The following STRBP variants were observed in gnomAD, a reference collection of about 807,000 sequenced individuals.
STRBP encodes spermatid perinuclear RNA-binding protein.
In STRBP, 13 loss-of-function variants were observed where a neutral mutation model predicts 80.1. The observed-to-expected ratio is 0.16, with a 90% CI of 0.11 to 0.26. The LOEUF is 0.26. Among genes scored for constraint, STRBP ranks in the 10% least tolerant of loss-of-function variants. STRBP has a pLI of 1.00. For missense variants in STRBP, 485 were observed against 815.2 expected, an observed-to-expected ratio of 0.59 and a Z score of 4.93; for synonymous variants, 284 against 291.2, an observed-to-expected ratio of 0.98 and a Z score of 0.25.
chr9:123,151,924 A>G (rs1013642336), intron 11 of STRBP, among the ~76,000 whole-genome samples: 1 of 152,060 alleles, frequency 6.6e-6, no homozygotes, highest in African/African-American at 2.4e-5. Flanking sequence ...AAAAATAATA[A>G]TCCCCTAGGT....
intron 1 of STRBP, among the ~76,000 whole-genome samples, chr9:123,265,367 AG>A (rs2041245392): frequency 6.6e-6 from 1 of 152,234 alleles, no homozygotes; most frequent in Non-Finnish European, 1.5e-5. Context: ...TAATCAACCC[AG>A]AAAGCTCCCA....
chr9:123,147,465 CA>C (rs1023001595), intron 12 of STRBP, among the ~76,000 whole-genome samples: 32 of 152,032 alleles, frequency 2.1e-4, no homozygotes, highest in African/African-American at 7.2e-4. Context: ...TGCTTGAACT[CA>C]GGAGTTCAAG....
intron 1 of STRBP, among the ~76,000 whole-genome samples, chr9:123,257,651 A>G (rs559231401): frequency 5.3e-5 from 8 of 152,240 alleles, no homozygotes; most frequent in Non-Finnish European, 8.8e-5. Context: ...TTGTCTCTAC[A>G]AAATAATTTG....
At chr9:123,222,918 G>A (rs553933427) in intron 2 of STRBP, among the ~76,000 whole-genome samples, 1 of 151,774 alleles carries the variant, frequency 6.6e-6, no homozygotes, top group Admixed American at 6.6e-5. Flanking sequence ...CATCAGAACT[G>A]GAAGCAAAAA....
intron 3 of STRBP, among the ~76,000 whole-genome samples, chr9:123,180,098 T>TAAAAA (rs1387115951): frequency 6.6e-6 from 1 of 151,696 alleles, no homozygotes; most frequent in Non-Finnish European, 1.5e-5. Flanking sequence ...CTCCAAAACA[T>TAAAAA]AAAAAAAATT....
chr9:123,139,160 C>G (rs1487723822), intron 14 of STRBP, among the ~76,000 whole-genome samples: 1 of 152,188 alleles, frequency 6.6e-6, no homozygotes, highest in Non-Finnish European at 1.5e-5. Flanking sequence ...TCCTCTACAT[C>G]TTGTAGTTTT....
chr9:123,201,621 G>C (rs1211263608), intron 2 of STRBP, among the ~76,000 whole-genome samples: 1 of 152,122 alleles, frequency 6.6e-6, no homozygotes. Flanking sequence ...AGGGATACTG[G>C]ATATAATTTC....
chr9:123,116,479 G>A (rs2035647184), intron 2 of STRBP, among the ~76,000 whole-genome samples: 1 of 152,114 alleles, frequency 6.6e-6, no homozygotes, highest in Admixed American at 6.6e-5. Flanking sequence ...AAAAAAACAG[G>A]CTGCCTGGCC....
chr9:123,120,241 G>A (rs774736284), downstream of STRBP, among the ~76,000 whole-genome samples: 4 of 151,780 alleles, frequency 2.6e-5, no homozygotes, highest in Non-Finnish European at 5.9e-5. Flanking sequence ...TAATAACACC[G>A]AGAAACCTGT....
intron 2 of STRBP, among the ~76,000 whole-genome samples, chr9:123,234,677 A>G (rs2040498881): frequency 6.6e-6 from 1 of 152,158 alleles, no homozygotes; most frequent in South Asian, 2.1e-4. Flanking sequence ...GTATTTGTTC[A>G]GGCCGAGCGA....
At chr9:123,218,444 A>C (rs1208046426) in intron 2 of STRBP, among the ~76,000 whole-genome samples, 3 of 135,196 alleles carry the variant, frequency 2.2e-5, no homozygotes, top group Non-Finnish European at 4.5e-5. Flanking sequence ...ATCTCGGCTC[A>C]CTGCAAGCTC....
At chr9:123,217,472 G>C (rs2039934203) in intron 2 of STRBP, among the ~76,000 whole-genome samples, 1 of 152,172 alleles carries the variant, frequency 6.6e-6, no homozygotes. Context: ...TTTCTAAGTT[G>C]TCAGTGAAAA....
chr9:123,208,721 G>A (rs2039607712), intron 2 of STRBP, among the ~76,000 whole-genome samples: 1 of 152,164 alleles, frequency 6.6e-6, no homozygotes. Flanking sequence ...CTGGGACAAA[G>A]TTTTAACATC....
chr9:123,227,355 G>C (rs747850243), intron 2 of STRBP, among the ~76,000 whole-genome samples: 3 of 152,016 alleles, frequency 2.0e-5, no homozygotes, highest in Non-Finnish European at 4.4e-5. Flanking sequence ...CAAAGGCCCT[G>C]AGTCTAACAC....
chr9:123,265,345 A>G (rs1021785486), intron 1 of STRBP, among the ~76,000 whole-genome samples: 12 of 152,244 alleles, frequency 7.9e-5, no homozygotes, highest in African/African-American at 2.4e-4. Flanking sequence ...TAAATCGACA[A>G]AAGAAGAAAA....
At chr9:123,182,192 G>A (rs1420502271) in intron 3 of STRBP, among the ~76,000 whole-genome samples, 1 of 139,848 alleles carries the variant, frequency 7.2e-6, no homozygotes, top group Non-Finnish European at 1.5e-5. Flanking sequence ...TCCAGCCTGG[G>A]CAACAGAGTG....
At chr9:123,140,881 A>T (rs1374410884) in intron 13 of STRBP, among the ~76,000 whole-genome samples, 1 of 152,214 alleles carries the variant, frequency 6.6e-6, no homozygotes, top group African/African-American at 2.4e-5. Context: ...GTGCCTTTTA[A>T]TACCTTCCTG....
intron 3 of STRBP, chr9:123,180,967 C>G: frequency 4.1e-6 from 4 of 981,276 alleles, no homozygotes; most frequent in Non-Finnish European, 4.8e-6. Context: ...CTCTTTTGTT[C>G]TTGTTTATCT....
At position 123,201,699 on chromosome 9, in the gene STRBP, T is replaced by C. The variant is rs117581943; in HGVS notation, c.-164-17401A>G. On this transcript the variant is annotated intron_variant, in intron 2 of 18. Transcript: ENST00000348403. Reference sequence around the variant, plus strand: ...ATAATCTATCTTGGACAATGTTCCATGTGCTGATAAAAATGTATATTCTGC... The same window carrying C: ...ATAATCTATCTTGGACAATGTTCCACGTGCTGATAAAAATGTATATTCTGC... Among the ~76,000 whole-genome samples, 698 of 152,348 alleles carry C rather than the reference T, an allele frequency of 4.6e-3. 8 individuals carry two copies. The highest frequency in any genetic ancestry group is 0.028 in the South Asian group (134 of 4,832).
Sources: allele counts gnomAD v4.1 joint callset (sites outside exome capture counted in the v4.1 genomes callset), GRCh38; gene constraint gnomAD v4.1.1; transcripts MANE v1.5; gene names NCBI Gene and HGNC (gene_info 2026-07-23, HGNC 2026-07-21).